TOR1B: variants seen among roughly 807,000 people sequenced by gnomAD.
TOR1B encodes torsin-1B.
TOR1B carries 14 observed loss-of-function variants against 29.2 expected under a neutral mutation model. That is an observed-to-expected ratio of 0.48 (90% CI 0.32 to 0.75). The LOEUF (loss-of-function observed/expected upper bound fraction) is 0.75, where lower values mean the gene tolerates loss of function less well. Among genes scored for constraint, TOR1B ranks in the 30% least tolerant of loss-of-function variants. The pLI, the probability that TOR1B is intolerant of heterozygous loss-of-function variation, is 0.04. For synonymous variants in TOR1B, 166 were observed against 179.8 expected (o/e 0.92, Z 0.62); for missense variants, 400 against 433.9 (o/e 0.92, Z 0.69).
At chr9:129,808,781 A>C (rs1004846053) in intron 3 of TOR1B, 124 bp from the exon 4 acceptor site, 2 of 1,213,806 alleles carry the variant, frequency 1.6e-6, no homozygotes, top group African/African-American at 3.1e-5. Context: ...TGAACTCCCG[A>C]CCTCAGGTGA....
intron 1 of TOR1B, 146 bp from the exon 2 acceptor site, chr9:129,803,927 G>C (rs779446005): frequency 3.0e-6 from 3 of 991,114 alleles, no homozygotes; most frequent in Non-Finnish European, 4.4e-6. Context: ...GGCATCGTTT[G>C]ACTGCCTCGG....
Position 129,809,869 on chromosome 9 carries a change from G to A in TOR1B, c.*286G>A, listed in dbSNP as rs774979273. 1 of 1,306,550 alleles carries A rather than the reference G, an allele frequency of 7.7e-7. No homozygotes were observed. The highest frequency in any genetic ancestry group is 9.8e-7 in the Non-Finnish European group (1 of 1,019,440). The allele number at this position is 1,306,550 out of a possible 1,614,324, so 80.9% of individuals were successfully genotyped here. ...GGCATGAGCCACTGTGCCCAGCTGG[G>A]ATATAGAATCTAAGAGTTGATTGTG... On this transcript the variant is annotated 3_prime_UTR_variant, in exon 5 of 5. Coordinates refer to ENST00000259339, the MANE Select transcript of TOR1B (RefSeq NM_014506.3).
At chr9:129,804,685 A>G (rs1340688205) in intron 2 of TOR1B, among the ~76,000 whole-genome samples, 1 of 151,110 alleles carries the variant, frequency 6.6e-6, no homozygotes, top group African/African-American at 2.4e-5. Context: ...ACATGGTGAA[A>G]CCCCATCTCT....
rs2030760620 is a variant in TOR1B at position 129,810,139 on chromosome 9, C to T, written c.*556C>T. 4.6e-6 allele frequency: 6 copies of T among 1,301,970 alleles called. No homozygotes were observed. Among genetic ancestry groups the T allele is most frequent in the Non-Finnish European group, 5.1e-6 (5 of 987,340 alleles). 80.7% of individuals were successfully genotyped at this position (1,301,970 alleles called of 1,614,324 possible). A position where few individuals can be genotyped will look rare whatever the true frequency, so the allele number is the denominator to read the frequency against. ...CAGGGACTTGCTGCAGGCTGGGGGG[C>T]ACTGGGTGGTTCTCACCAGCAGGCT... On this transcript the variant is annotated 3_prime_UTR_variant, in exon 5 of 5. Coordinates refer to ENST00000259339, the MANE Select transcript of TOR1B (RefSeq NM_014506.3).
At position 129,809,743 on chromosome 9, in the gene TOR1B, T is replaced by C; in HGVS notation, c.*160T>C. On this transcript the variant is annotated 3_prime_UTR_variant, in exon 5 of 5. Transcript: ENST00000259339. Reference sequence around the variant, plus strand: ...TTTGAGAAGAGGTCTCACTCCGTCATCCAAGCTGGAGTGCAGTGGTGCAAT... The same window carrying C: ...TTTGAGAAGAGGTCTCACTCCGTCACCCAAGCTGGAGTGCAGTGGTGCAAT... 2 of 1,433,726 alleles carry C rather than the reference T, an allele frequency of 1.4e-6. No homozygotes were observed. The highest frequency in any genetic ancestry group is 3.0e-5 in the South Asian group (2 of 66,916). The allele number at this position is 1,433,726 out of a possible 1,614,324, so 88.8% of individuals were successfully genotyped here.
Position 129,803,270 on chromosome 9 carries a change from C to A in TOR1B, c.58C>A (p.Arg20=). 1 of 1,564,048 alleles carries A rather than the reference C, an allele frequency of 6.4e-7. No homozygotes were observed. The highest frequency in any genetic ancestry group is 2.5e-5 in the East Asian group (1 of 40,604). The stretch of plus-strand genomic sequence containing the variant: ...GGCGCTGGCGCTGCTGCTGGCGGCC[C>A]GAGTGGTGGCGGCGTTCGAGCCCAT... ...AAALALLLAA[R]VVAAFEPITV... is the part of the protein sequence containing the mutation. Residue 20 remains arginine, a synonymous_variant, in exon 1 of 5, where the codon CGA becomes AGA. Coordinates refer to ENST00000259339, the MANE Select transcript of TOR1B (RefSeq NM_014506.3).
At chr9:129,807,871 A>G (rs1354940286) in intron 3 of TOR1B, among the ~76,000 whole-genome samples, 1 of 149,966 alleles carries the variant, frequency 6.7e-6, no homozygotes, top group Non-Finnish European at 1.5e-5. Flanking sequence ...AGAAATAATC[A>G]CTGATAGCAG....
At position 129,809,547 on chromosome 9, in the gene TOR1B, C is replaced by T. The variant is rs753743727; in HGVS notation, c.975C>T (p.Gly325=). ...PRDEKIYSDK[G]CKTVQSRLDF... Reference sequence around the variant, plus strand: ...ACGAGAAAATCTACTCAGACAAGGGCTGCAAGACTGTGCAGTCGCGGCTGG... The same window carrying T: ...ACGAGAAAATCTACTCAGACAAGGGTTGCAAGACTGTGCAGTCGCGGCTGG... The change falls in exon 5 of 5, where the codon GGC becomes GGT. Residue 325 remains glycine, a synonymous_variant. Coordinates refer to ENST00000259339, the MANE Select transcript of TOR1B (RefSeq NM_014506.3). 6 of 1,614,198 alleles carry T rather than the reference C, an allele frequency of 3.7e-6. No individual in the cohort carries two copies. In the Admixed American group the frequency reaches 1.0e-4, roughly 27 times the overall value.
At chr9:129,807,486 TTACC>T (rs2030564183) in intron 3 of TOR1B, 123 bp downstream of exon 3, 1 of 1,128,022 alleles carries the variant, frequency 8.9e-7, no homozygotes, top group Non-Finnish European at 1.3e-6. Flanking sequence ...CACAAGGCAC[TTACC>T]TACTGCTTTA....
chr9:129,803,464 G>C, intron 1 of TOR1B, 53 bp downstream of exon 1: 1 of 1,287,354 alleles, frequency 7.8e-7, no homozygotes. Flanking sequence ...GCGGGGGCGC[G>C]GGGGCGCGGA....
At chr9:129,805,386 C>T (rs1426809216) in intron 2 of TOR1B, among the ~76,000 whole-genome samples, 1 of 151,578 alleles carries the variant, frequency 6.6e-6, no homozygotes, top group Non-Finnish European at 1.5e-5. Context: ...TGGGCCACTG[C>T]ACCCCAGCCT....
intron 2 of TOR1B, among the ~76,000 whole-genome samples, chr9:129,804,714 T>C (rs917645255): frequency 2.6e-5 from 4 of 151,244 alleles, no homozygotes; most frequent in Non-Finnish European, 5.9e-5. Context: ...GTACCAAAAT[T>C]ACCTGAGCAC....
rs1564179273 is a variant in TOR1B, at chr9:129,809,508, G to GT, written c.941dup (p.Arg316GlnfsTer64). On this transcript the variant is annotated frameshift_variant, in exon 5 of 5. Transcript: ENST00000259339. LOFTEE classifies it high-confidence loss of function. ...TCACAAGAGTGGCAGAGGAAATGAC[G>GT]TTTTTCCCCAGAGACGAGAAAATCT... is the stretch of plus-strand genomic sequence containing the variant. The GT allele has an allele frequency of 1.2e-6, 2 of 1,614,190 alleles. No individual in the cohort carries two copies. Among genetic ancestry groups the GT allele is most frequent in the Non-Finnish European group, 1.7e-6 (2 of 1,180,046 alleles).
chr9:129,808,327 G>C (rs915651691), intron 3 of TOR1B, among the ~76,000 whole-genome samples: 1 of 151,810 alleles, frequency 6.6e-6, no homozygotes, highest in Non-Finnish European at 1.5e-5. Flanking sequence ...GTGAAACCCC[G>C]TGTCTACTAA....
Position 129,810,362 on chromosome 9 carries a change from G to GGGGC in TOR1B, c.*779_*780insGGGC, listed in dbSNP as rs2030790099. 1.0e-6 allele frequency: 1 copy of GGGGC among 960,026 alleles called. No homozygotes were observed. Among genetic ancestry groups the GGGGC allele is most frequent in the African/African-American group, 1.9e-5 (1 of 53,568 alleles). The allele number at this position is 960,026 out of a possible 1,614,324, so 59.5% of individuals were successfully genotyped here. A position where few individuals can be genotyped will look rare whatever the true frequency, so the allele number is the denominator to read the frequency against. On this transcript the variant is annotated 3_prime_UTR_variant, in exon 5 of 5. Coordinates refer to ENST00000259339, the MANE Select transcript of TOR1B (RefSeq NM_014506.3). ...GTGTGTGTGTGTGTGGGGGGGTGGG[G>GGGGC]CCTTCACCTAAGACCTCTGCAGCAG... is the stretch of plus-strand genomic sequence containing the variant.
rs559947930 is a variant in TOR1B, at chr9:129,809,902, C to A, written c.*319C>A. The stretch of plus-strand genomic sequence containing the variant: ...ATCTAAGAGTTGATTGTGGAAAACA[C>A]GTGAATCTATTGCGCGCATTTGTCA... On this transcript the variant is annotated 3_prime_UTR_variant, in exon 5 of 5. Transcript: ENST00000259339. 3 of 1,242,200 alleles carry A rather than the reference C, an allele frequency of 2.4e-6. No individual in the cohort carries two copies. In the African/African-American group the frequency reaches 4.6e-5, roughly 19 times the overall value. 76.9% of individuals were successfully genotyped at this position (1,242,200 alleles called of 1,614,324 possible). A position where few individuals can be genotyped will look rare whatever the true frequency, so the allele number is the denominator to read the frequency against.
At chr9:129,806,114 C>CT (rs746645938) in intron 2 of TOR1B, among the ~76,000 whole-genome samples, 2 of 130,328 alleles carry the variant, frequency 1.5e-5, no homozygotes, top group African/African-American at 5.9e-5. Context: ...GAGTAAGACT[C>CT]TATCTCAAAA....
At chr9:129,805,065 G>T (rs1202251125) in intron 2 of TOR1B, among the ~76,000 whole-genome samples, 1 of 151,494 alleles carries the variant, frequency 6.6e-6, no homozygotes, top group Non-Finnish European at 1.5e-5. Context: ...CTGAACCCGG[G>T]AGGCGGAGCT....
At position 129,810,506 on chromosome 9, in the gene TOR1B, C is replaced by G; in HGVS notation, c.*923C>G. On this transcript the variant is annotated 3_prime_UTR_variant, in exon 5 of 5. Coordinates refer to ENST00000259339, the MANE Select transcript of TOR1B (RefSeq NM_014506.3). ...CCCCAGCCTGCCTTGTGCCATATCT[C>G]AGCTTGGATCTCTGCTAGAGTCCCC... 6 of 1,015,218 alleles carry G rather than the reference C, an allele frequency of 5.9e-6. No individual in the cohort carries two copies. The highest frequency in any genetic ancestry group is 7.5e-6 in the Non-Finnish European group (6 of 802,498). The allele number at this position is 1,015,218 out of a possible 1,614,324, so 62.9% of individuals were successfully genotyped here. A position where few individuals can be genotyped will look rare whatever the true frequency, so the allele number is the denominator to read the frequency against.
Sources: gnomAD v4.1 joint callset for allele counts (sites outside exome capture counted in the v4.1 genomes callset) on GRCh38, gnomAD v4.1.1 for gene constraint, MANE v1.5 for transcripts, NCBI Gene and HGNC (gene_info 2026-07-23, HGNC 2026-07-21) for gene names.